The following UBXN2A variants were observed in gnomAD, a reference collection of about 807,000 sequenced individuals.
UBXN2A encodes the protein UBX domain-containing protein 2A.
A neutral mutation model predicts 28.4 loss-of-function variants in UBXN2A; 28 were observed. That is an observed-to-expected ratio of 0.99 (90% CI 0.73 to 1.35). The LOEUF (loss-of-function observed/expected upper bound fraction) is 1.35. UBXN2A is among the 40% of genes most tolerant of loss of function. The pLI is 0.00. For missense variants in UBXN2A, 253 were observed against 297.9 expected, an observed-to-expected ratio of 0.85 and a Z score of 1.11; for synonymous variants, 97 against 103.6, an observed-to-expected ratio of 0.94 and a Z score of 0.39.
chr2:23,975,759 C>G (rs1707632505), intron 3 of UBXN2A, among the ~76,000 whole-genome samples: 1 of 152,152 alleles, frequency 6.6e-6, no homozygotes, highest in African/African-American at 2.4e-5. Flanking sequence ...CTACCTCAGC[C>G]TGGGATTACA....
intron 5 of UBXN2A, among the ~76,000 whole-genome samples, chr2:23,983,296 G>T (rs1289355788): frequency 6.6e-6 from 1 of 151,934 alleles, no homozygotes; most frequent in Admixed American, 6.6e-5. Context: ...ACCTGAGATC[G>T]GGAGTTCGAG....
At chr2:23,989,840 G>A (rs897616228) in intron 6 of UBXN2A, among the ~76,000 whole-genome samples, 4 of 152,108 alleles carry the variant, frequency 2.6e-5, no homozygotes, top group African/African-American at 9.7e-5. Flanking sequence ...GGGAGGTTGA[G>A]GCTGCAATAA....
At chr2:23,994,539 T>G (rs1399987591) in intron 6 of UBXN2A, among the ~76,000 whole-genome samples, 1 of 152,250 alleles carries the variant, frequency 6.6e-6, no homozygotes, top group East Asian at 1.9e-4. Context: ...GTCTTCGAGT[T>G]CAGTAATCTG....
intron 6 of UBXN2A, among the ~76,000 whole-genome samples, chr2:23,996,384 C>T (rs1225402602): frequency 1.3e-5 from 2 of 150,860 alleles, no homozygotes; most frequent in Non-Finnish European, 3.0e-5. Context: ...TGTCTTTTTA[C>T]ACTCTGCTGA....
chr2:23,993,301 A>T lies in UBXN2A; in HGVS notation c.585-6371A>T, dbSNP rs1573609738. 2.6e-5 allele frequency among the ~76,000 whole-genome samples: 4 copies of T among 152,368 alleles called. No individual in the cohort carries two copies. The East Asian group carries it at 7.7e-4, about 29-fold the overall frequency. On this transcript the variant is annotated intron_variant, in intron 6 of 6. Coordinates refer to ENST00000309033, the MANE Select transcript of UBXN2A (RefSeq NM_181713.4). Reference sequence around the variant, plus strand: ...TGACTTGTTTATCTAGGTGAATAACAATGAAACACGTAGCTTTTTTTCCCC... The same window carrying T: ...TGACTTGTTTATCTAGGTGAATAACTATGAAACACGTAGCTTTTTTTCCCC...
At chr2:23,972,650 T>C (rs1278707469) in intron 3 of UBXN2A, among the ~76,000 whole-genome samples, 2 of 151,904 alleles carry the variant, frequency 1.3e-5, no homozygotes, top group African/African-American at 4.8e-5. Context: ...GGTGAAACCC[T>C]GTCTCTACTA....
chr2:23,948,184 G>A (rs1706184501), intron 1 of UBXN2A, among the ~76,000 whole-genome samples: 1 of 151,246 alleles, frequency 6.6e-6, no homozygotes, highest in Non-Finnish European at 1.5e-5. Context: ...GAAATCAAAA[G>A]TAAAATTTCA....
intron 1 of UBXN2A, among the ~76,000 whole-genome samples, chr2:23,930,265 C>G (rs1431055646): frequency 1.3e-5 from 2 of 152,250 alleles, no homozygotes; most frequent in African/African-American, 2.4e-5. Context: ...TAGTGAGTCC[C>G]TGTCTCTAGA....
intron 1 of UBXN2A, among the ~76,000 whole-genome samples, chr2:23,942,646 T>A (rs1167069709): frequency 1.3e-5 from 2 of 151,958 alleles, no homozygotes; most frequent in Non-Finnish European, 2.9e-5. Context: ...CTCAAAATCC[T>A]GACCTCTGGT....
intron 1 of UBXN2A, among the ~76,000 whole-genome samples, chr2:23,943,344 T>G (rs1245270307): frequency 6.6e-6 from 1 of 152,050 alleles, no homozygotes; most frequent in Non-Finnish European, 1.5e-5. Flanking sequence ...CACCTAGAGT[T>G]GATGGTGGTT....
chr2:23,939,082 C>A (rs1309721489), upstream of UBXN2A, among the ~76,000 whole-genome samples: 1 of 151,980 alleles, frequency 6.6e-6, no homozygotes, highest in Non-Finnish European at 1.5e-5. Context: ...AATCTGAGTC[C>A]CCGCACTAAA....
At chr2:23,954,419 G>A (rs1222095575) in intron 1 of UBXN2A, among the ~76,000 whole-genome samples, 1 of 152,066 alleles carries the variant, frequency 6.6e-6, no homozygotes, top group Non-Finnish European at 1.5e-5. Flanking sequence ...CCATACATCT[G>A]TTGATGGATA....
rs1708762596 is a variant in UBXN2A at position 24,004,211 on chromosome 2, A to C, written c.*4344A>C. The stretch of plus-strand genomic sequence containing the variant: ...TGTTAGTTAAATGTGTATAATTATC[A>C]AAAGAGGTTGACTTTGGAAAACAAA... On this transcript the variant is annotated 3_prime_UTR_variant, in exon 7 of 7. Coordinates refer to ENST00000309033, the MANE Select transcript of UBXN2A (RefSeq NM_181713.4). 2 of 133,690 alleles carry C rather than the reference A, an allele frequency of 1.5e-5. No individual in the cohort carries two copies. The allele number at this position is 133,690 out of a possible 1,614,324, so 8.3% of individuals were successfully genotyped here.
chr2:23,993,948 T>C (rs544105230), intron 6 of UBXN2A, among the ~76,000 whole-genome samples: 60 of 152,304 alleles, frequency 3.9e-4, no homozygotes, highest in Non-Finnish European at 5.4e-4. Flanking sequence ...CTTCCCAAAG[T>C]GCTGGGATTA....
At chr2:23,990,181 A>G (rs1273334610) in intron 6 of UBXN2A, among the ~76,000 whole-genome samples, 3 of 151,144 alleles carry the variant, frequency 2.0e-5, no homozygotes, top group African/African-American at 7.3e-5. Context: ...GCACCCCTTC[A>G]CTGGAATGCC....
At chr2:23,927,870 A>T (rs1242587852) in intron 1 of UBXN2A, among the ~76,000 whole-genome samples, 1 of 152,154 alleles carries the variant, frequency 6.6e-6, no homozygotes, top group Non-Finnish European at 1.5e-5. Context: ...AAGCCACACA[A>T]TTCATATGAA....
At position 23,976,889 on chromosome 2, in the gene UBXN2A, G is replaced by A; in HGVS notation, c.181-80G>A. On this transcript the variant is annotated intron_variant, in intron 3 of 6. Transcript: ENST00000309033. ...AACCACCCCACCCGGCCTGAATAGT[G>A]ATAGAAGAAATTTTCAAAGGACTTT... The A allele has an allele frequency of 1.1e-5, 14 of 1,239,524 alleles. No individual in the cohort carries two copies. The Middle Eastern group carries it at 7.3e-4, about 65-fold the overall frequency. 76.8% of individuals were successfully genotyped at this position (1,239,524 alleles called of 1,614,324 possible).
At chr2:23,931,083 C>A (rs1316238910) in intron 1 of UBXN2A, among the ~76,000 whole-genome samples, 1 of 152,026 alleles carries the variant, frequency 6.6e-6, no homozygotes, top group Admixed American at 6.6e-5. Flanking sequence ...TTCTTTGCCT[C>A]AGGTTGCAGT....
chr2:23,991,084 G>A (rs1169984456), intron 6 of UBXN2A, among the ~76,000 whole-genome samples: 2 of 152,084 alleles, frequency 1.3e-5, no homozygotes, highest in Non-Finnish European at 2.9e-5. Context: ...TGGCTTGGTG[G>A]CTTTTGGACT....
Sources: allele counts gnomAD v4.1 joint callset (sites outside exome capture counted in the v4.1 genomes callset), GRCh38; gene constraint gnomAD v4.1.1; transcripts MANE v1.5; gene names NCBI Gene and HGNC (gene_info 2026-07-23, HGNC 2026-07-21).